PCDHA5: variants seen among roughly 807,000 people sequenced by gnomAD.
PCDHA5 encodes the protein protocadherin alpha 5.
PCDHA5 carries 43 observed loss-of-function variants against 61.6 expected under a neutral mutation model. The ratio of observed to expected loss-of-function variants is 0.70; its 90% CI spans 0.55 to 0.90. The LOEUF (loss-of-function observed/expected upper bound fraction) is 0.90, where lower values mean the gene tolerates loss of function less well. PCDHA5 is among the 40% of genes least tolerant of loss of function. PCDHA5 has a pLI of 0.00. For missense variants in PCDHA5, 1,298 were observed against 1,222.7 expected (o/e 1.06, Z -0.92); for synonymous variants, 627 against 543.9 (o/e 1.15, Z -2.13).
At chr5:140,948,351 A>G (rs951541212) in intron 1 of PCDHA5, among the ~76,000 whole-genome samples, 1 of 151,646 alleles carries the variant, frequency 6.6e-6, no homozygotes, top group East Asian at 1.9e-4. Flanking sequence ...TTCTAACCTA[A>G]TAAAATGACT....
At chr5:140,848,810 C>T (rs2150250287) in intron 1 of PCDHA5, 1 of 1,591,698 alleles carries the variant, frequency 6.3e-7, no homozygotes, top group East Asian at 2.2e-5. Context: ...GCAGCATCCA[C>T]CTGGAGGTGA....
intron 1 of PCDHA5, among the ~76,000 whole-genome samples, chr5:140,832,325 A>G (rs1771927305): frequency 6.6e-6 from 1 of 152,220 alleles, no homozygotes; most frequent in African/African-American, 2.4e-5. Context: ...AAGGGCCATT[A>G]GAGGACTGAG....
chr5:140,876,726 G>T, intron 1 of PCDHA5: 1 of 1,614,264 alleles, frequency 6.2e-7, no homozygotes, highest in African/African-American at 1.3e-5. Context: ...GCGAGAGCGT[G>T]TCGGCCTATG....
At chr5:140,969,519 G>T in intron 1 of PCDHA5, 2 of 1,406,074 alleles carry the variant, frequency 1.4e-6, no homozygotes, top group Admixed American at 2.8e-5. Context: ...CTAAAGAATT[G>T]TTTTATTTTT....
intron 3 of PCDHA5, among the ~76,000 whole-genome samples, chr5:141,001,524 C>T (rs952372807): frequency 6.6e-6 from 1 of 152,202 alleles, no homozygotes; most frequent in Non-Finnish European, 1.5e-5. Context: ...CTCCCTCTCT[C>T]TCTGATCCTG....
Position 140,902,287 on chromosome 5 carries a change from C to T in PCDHA5, c.2353-76662C>T, listed in dbSNP as rs150308530. Among the ~76,000 whole-genome samples the T allele has an allele frequency of 1.9e-3, 280 of 150,946 alleles. 2 individuals are homozygous for T. The highest frequency in any genetic ancestry group is 6.5e-3 in the African/African-American group (266 of 41,018). ...TCCTGGGCTCAAGCAATCCTCCTGC[C>T]TCAGCCTCCCAAAGTGCTGGGATTA... is the stretch of plus-strand genomic sequence containing the variant. On this transcript the variant is annotated intron_variant, in intron 1 of 3. Transcript: ENST00000529859.
chr5:141,009,791 CCTA>C lies in PCDHA5; in HGVS notation c.2669_2671del (p.Thr890del), dbSNP rs2098414479. 1.2e-6 allele frequency: 2 copies of C among 1,613,966 alleles called. No homozygotes were observed. Among genetic ancestry groups the C allele is most frequent in the African/African-American group, 2.7e-5 (2 of 74,882 alleles). On this transcript the variant is annotated inframe_deletion, in exon 4 of 4. Coordinates refer to ENST00000529859, the MANE Select transcript of PCDHA5 (RefSeq NM_018908.3). ...TGCAATCATCTCCATCCGGCAGGAGCCTACTAACAGCCAAATTGACAAAAGTGA... is the reference window on the plus strand; with the variant it reads ...TGCAATCATCTCCATCCGGCAGGAGCCTAACAGCCAAATTGACAAAAGTGA...
rs782605707 is a variant in PCDHA5 at position 140,857,540 on chromosome 5, T to G, written c.2352+33413T>G. The G allele has an allele frequency of 1.6e-4, 262 of 1,596,716 alleles. 26 individuals carry two copies. Among genetic ancestry groups the G allele is most frequent in the Non-Finnish European group, 2.1e-4 (250 of 1,167,578 alleles). ...GTCCTACTCTCTGGTGGAGCGGCGG[T>G]TGGGCGAGCGCTCGCTGTCGAGCTA... On this transcript the variant is annotated intron_variant, in intron 1 of 3. Transcript: ENST00000529859.
At chr5:140,825,754 A>T (rs782058302) in intron 1 of PCDHA5, 1 of 152,530 alleles carries the variant, frequency 6.6e-6, no homozygotes, top group East Asian at 1.9e-4. Context: ...GTAACTGTGA[A>T]TCTCCTCAGT....
chr5:140,942,532 A>G (rs1474733493), intron 1 of PCDHA5, among the ~76,000 whole-genome samples: 2 of 152,142 alleles, frequency 1.3e-5, no homozygotes, highest in Non-Finnish European at 2.9e-5. Context: ...CAACTAACTC[A>G]GTATGGTGGG....
At chr5:140,876,437 C>T (rs1554168557) in intron 1 of PCDHA5, 1 of 1,613,906 alleles carries the variant, frequency 6.2e-7, no homozygotes, top group Non-Finnish European at 8.5e-7. Context: ...CAGGTTAACG[C>T]CATTGATAAA....
chr5:140,915,626 G>GTCCC (rs1554196996), intron 1 of PCDHA5, among the ~76,000 whole-genome samples: 2 of 146,436 alleles, frequency 1.4e-5, no homozygotes, highest in Non-Finnish European at 3.0e-5. Flanking sequence ...GTCTCTTTCT[G>GTCCC]TCTCTCTCTC....
intron 1 of PCDHA5, chr5:140,928,603 C>A: frequency 1.2e-6 from 2 of 1,614,208 alleles, no homozygotes; most frequent in South Asian, 2.2e-5. Flanking sequence ...GGAAATTGTG[C>A]CCCGCTCTGC....
intron 1 of PCDHA5, chr5:140,849,878 G>T (rs558218817): frequency 6.3e-7 from 1 of 1,598,486 alleles, no homozygotes; most frequent in East Asian, 2.2e-5. Context: ...CCGAGTACAC[G>T]GTGTTCGTGA....
intron 1 of PCDHA5, chr5:140,824,833 T>C (rs1016078970): frequency 2.0e-5 from 3 of 152,074 alleles, no homozygotes; most frequent in Admixed American, 6.5e-5. Context: ...ATTATTATTT[T>C]ATTACACTAA....
At position 140,823,742 on chromosome 5, in the gene PCDHA5, C is replaced by A. The variant is rs1767853747; in HGVS notation, c.1967C>A (p.Pro656His). 3.1e-6 allele frequency: 5 copies of A among 1,613,716 alleles called. No individual in the cohort carries two copies. Among genetic ancestry groups the A allele is most frequent in the East Asian group, 2.2e-5 (1 of 44,876 alleles). Reference sequence around the variant, plus strand: ...GTGCTGGTGAAGGACCATGGAGAGCCCCCGCTGACAGCCACAGCCACAGTG... The same window carrying A: ...GTGCTGGTGAAGGACCATGGAGAGCACCCGCTGACAGCCACAGCCACAGTG... ...LLVLVKDHGE[P>H]PLTATATVLV... Residue 656 changes from proline (P) to histidine (H), a missense_variant, in exon 1 of 4, where the codon CCC (proline) becomes CAC (histidine). Pro to His is a moderately conservative substitution (Grantham distance 77). Coordinates refer to ENST00000529859, the MANE Select transcript of PCDHA5 (RefSeq NM_018908.3).
intron 1 of PCDHA5, chr5:140,966,695 C>G: frequency 7.4e-7 from 1 of 1,358,486 alleles, no homozygotes; most frequent in Non-Finnish European, 9.5e-7. Flanking sequence ...AGGCGGGGCC[C>G]GGGCGTGGGG....
chr5:140,841,016 A>G (rs1375684140), intron 1 of PCDHA5, among the ~76,000 whole-genome samples: 1 of 152,070 alleles, frequency 6.6e-6, no homozygotes, highest in African/African-American at 2.4e-5. Context: ...AGACAGTATG[A>G]ATGCCTCTGC....
Position 140,822,476 on chromosome 5 carries a change from C to G in PCDHA5, c.701C>G (p.Ala234Gly), listed in dbSNP as rs2150116671. ...TVQLLINVLD[A>G]NDNAPEFDKS... ...CAGTTGTTGATCAATGTATTGGATGCTAATGATAACGCCCCAGAATTTGAT... is the reference window on the plus strand; with the variant it reads ...CAGTTGTTGATCAATGTATTGGATGGTAATGATAACGCCCCAGAATTTGAT... Residue 234 changes from alanine (A) to glycine (G), a missense_variant, in exon 1 of 4, where the codon GCT becomes GGT. Physicochemically the swap from Ala to Gly is moderately conservative, Grantham distance 60 (BLOSUM62 0). Transcript: ENST00000529859. 1 of 1,613,670 alleles carries G rather than the reference C, an allele frequency of 6.2e-7. No individual in the cohort carries two copies. Among genetic ancestry groups the G allele is most frequent in the Non-Finnish European group, 8.5e-7 (1 of 1,179,814 alleles).
Sources: gnomAD v4.1 joint callset for allele counts (sites outside exome capture counted in the v4.1 genomes callset) on GRCh38, gnomAD v4.1.1 for gene constraint, MANE v1.5 for transcripts, NCBI Gene and HGNC (gene_info 2026-07-23, HGNC 2026-07-21) for gene names.